The following FGF13 variants were observed in gnomAD, a reference collection of about 807,000 sequenced individuals.
FGF13 encodes fibroblast growth factor homologous factor 2.
In FGF13, 2 loss-of-function variants were observed where a neutral mutation model predicts 19.5. The ratio of observed to expected loss-of-function variants is 0.10; its 90% CI spans 0.04 to 0.32. FGF13 has a LOEUF of 0.32. Among genes scored for constraint, FGF13 ranks in the 10% least tolerant of loss-of-function variants. The probability of loss-of-function intolerance (pLI) is 1.00; values close to 1 mark genes in which losing one functional copy is unlikely to be tolerated. For synonymous variants in FGF13, 72 were observed against 76.9 expected (o/e 0.94, Z 0.33); for missense variants, 113 against 192.7 (o/e 0.59, Z 2.45).
chrX:138,727,103 T>C (rs2090191489), intron 1 of FGF13, among the ~76,000 whole-genome samples: 1 of 111,246 alleles, frequency 9.0e-6, no homozygotes, highest in East Asian at 2.8e-4. Context: ...TGGAAAGTGA[T>C]GCTCAGAAAG....
rs1050309690 is a variant in FGF13 at position 138,620,446 on chromosome X, T to A, written c.*12404A>T. The A allele has an allele frequency of 4.5e-5, 5 of 110,218 alleles. No individual in the cohort carries two copies. Among genetic ancestry groups the A allele is most frequent in the Non-Finnish European group, 9.5e-5 (5 of 52,813 alleles). The allele number at this position is 110,218 out of a possible 1,213,427, so 9.1% of individuals were successfully genotyped here. On this transcript the variant is annotated 3_prime_UTR_variant, in exon 5 of 5. Coordinates refer to ENST00000315930, the MANE Select transcript of FGF13 (RefSeq NM_004114.5). ...TGTTTACCTATGTAACAAACCTGCA[T>A]ATCCTGCACATGTACCCTGGAACTT...
intron 3 of FGF13, among the ~76,000 whole-genome samples, chrX:138,774,111 A>C (rs1292910594): frequency 8.9e-6 from 1 of 111,921 alleles, no homozygotes; most frequent in African/African-American, 3.3e-5. Flanking sequence ...TCTAGTAGAA[A>C]AAAGTAGGTA....
At position 139,000,788 on chromosome X, in the gene FGF13, A is replaced by C. The variant is rs199723438; in HGVS notation, c.-112-136138T>G. ...GGTAATTTACAGATTCAATGCCATC[A>C]CCATCAAGCTACCAATGACTTTCTT... is the stretch of plus-strand genomic sequence containing the variant. On this transcript the variant is annotated intron_variant, in intron 1 of 2. Coordinates refer to the FGF13 transcript ENST00000421460. Among the ~76,000 whole-genome samples, 15 of 111,959 alleles carry C rather than the reference A, an allele frequency of 1.3e-4. 1 individual carries two copies. In the Middle Eastern group the frequency reaches 0.014, roughly 104 times the overall value.
At chrX:138,896,291 G>A (rs1391607762) in intron 1 of FGF13, among the ~76,000 whole-genome samples, 3 of 110,989 alleles carry the variant, frequency 2.7e-5, no homozygotes, top group Non-Finnish European at 5.7e-5. Context: ...CCATAAATAT[G>A]TACCAATACT....
At chrX:138,723,341 A>G (rs1005936351) in intron 1 of FGF13, among the ~76,000 whole-genome samples, 2 of 111,921 alleles carry the variant, frequency 1.8e-5, no homozygotes, top group Non-Finnish European at 3.8e-5. Context: ...TCCTTTCCTC[A>G]GTTTTTTCCT....
At chrX:139,186,521 C>T (rs777742946) in intron 1 of FGF13, among the ~76,000 whole-genome samples, 3 of 111,505 alleles carry the variant, frequency 2.7e-5, no homozygotes, top group Non-Finnish European at 3.8e-5. Flanking sequence ...TAAAAATGTA[C>T]ATCAGATCAC....
chrX:139,109,162 A>G (rs2083582715), intron 1 of FGF13, among the ~76,000 whole-genome samples: 1 of 112,143 alleles, frequency 8.9e-6, no homozygotes, highest in Non-Finnish European at 1.9e-5. Context: ...GAATGCAAGG[A>G]AGAACCAGGA....
intron 3 of FGF13, among the ~76,000 whole-genome samples, chrX:138,666,882 A>C (rs191264996): frequency 0.019 from 2,084 of 109,978 alleles, 11 homozygotes; most frequent in Non-Finnish European, 0.029. Context: ...GTTCCCAAAA[A>C]CAAAAACAAA....
At chrX:138,896,120 T>A (rs1289096159) in intron 1 of FGF13, among the ~76,000 whole-genome samples, 3 of 112,019 alleles carry the variant, frequency 2.7e-5, no homozygotes, top group Non-Finnish European at 3.8e-5. Flanking sequence ...TAATGTAGTG[T>A]ACTTTTCACA....
intron 3 of FGF13, among the ~76,000 whole-genome samples, chrX:138,754,635 T>G: frequency 9.0e-6 from 1 of 111,602 alleles, no homozygotes; most frequent in African/African-American, 3.3e-5. Context: ...CTGGCAAAAG[T>G]TCTTTACACT....
intron 1 of FGF13, among the ~76,000 whole-genome samples, chrX:138,885,907 A>G (rs1168707095): frequency 9.0e-6 from 1 of 111,330 alleles, no homozygotes; most frequent in Admixed American, 9.6e-5. Flanking sequence ...TAACTGGAAT[A>G]TAATTCCAAT....
chrX:138,682,735 A>AC (rs1001905905), intron 3 of FGF13, among the ~76,000 whole-genome samples: 2 of 110,704 alleles, frequency 1.8e-5, no homozygotes, highest in East Asian at 2.8e-4. Context: ...AAATAATTTT[A>AC]CCCCCCCGAA....
At chrX:138,640,160 A>C (rs1323328417) in intron 3 of FGF13, among the ~76,000 whole-genome samples, 4 of 111,429 alleles carry the variant, frequency 3.6e-5, no homozygotes, top group Non-Finnish European at 7.5e-5. Context: ...AATTCTTTGG[A>C]GGTTGAAATA....
At chrX:138,800,212 C>T (rs1168649932) in intron 3 of FGF13, among the ~76,000 whole-genome samples, 2 of 111,588 alleles carry the variant, frequency 1.8e-5, no homozygotes, top group African/African-American at 6.5e-5. Context: ...TGGCTGGTAC[C>T]AGTTTTTCCT....
chrX:138,658,296 C>A (rs952037428), intron 3 of FGF13, among the ~76,000 whole-genome samples: 1 of 112,343 alleles, frequency 8.9e-6, no homozygotes, highest in Non-Finnish European at 1.9e-5. Flanking sequence ...ATACAACCAG[C>A]AATTACTAAC....
In FGF13 at chrX:139,190,709, C is replaced by A. The variant is rs1358594152; in HGVS notation, c.-113+12707G>T. Among the ~76,000 whole-genome samples the A allele has an allele frequency of 2.7e-5, 3 of 111,775 alleles. No individual in the cohort carries two copies. The East Asian group carries it at 8.4e-4, about 31-fold the overall frequency. ...ATACTTAATACCATAGAACTGGATA[C>A]CATAGAATTGACTATAAAATGGTCA... On this transcript the variant is annotated intron_variant, in intron 1 of 2. Transcript: ENST00000421460.
intron 1 of FGF13, among the ~76,000 whole-genome samples, chrX:139,092,884 CTAAGA>C (rs1232651429): frequency 1.8e-5 from 2 of 111,962 alleles, no homozygotes; most frequent in Non-Finnish European, 3.8e-5. Flanking sequence ...ACTTTCTCCA[CTAAGA>C]TAAGTTACTG....
At chrX:138,885,224 C>T (rs1187986836) in intron 1 of FGF13, among the ~76,000 whole-genome samples, 1 of 111,199 alleles carries the variant, frequency 9.0e-6, no homozygotes, top group Non-Finnish European at 1.9e-5. Context: ...AGGCTGTGGT[C>T]TCACCTGGAG....
At position 138,703,096 on chromosome X, in the gene FGF13, A is replaced by T. The variant is rs754282942; in HGVS notation, c.299-9T>A. 27 of 1,150,344 alleles carry T rather than the reference A, an allele frequency of 2.3e-5. No homozygotes were observed. Among genetic ancestry groups the T allele is most frequent in the East Asian group, 8.9e-5 (3 of 33,577 alleles). The allele number at this position is 1,150,344 out of a possible 1,213,427, so 94.8% of individuals were successfully genotyped here. A position where few individuals can be genotyped will look rare whatever the true frequency, so the allele number is the denominator to read the frequency against. ...GATGAGGTTAAACAGAGCTGAAATT[A>T]AAAAAGAAAATGAAAACAGTGTTAC... On this transcript the variant is annotated splice_polypyrimidine_tract_variant and intron_variant, in intron 2 of 4. Transcript: ENST00000315930.
Sources: allele counts gnomAD v4.1 joint callset (sites outside exome capture counted in the v4.1 genomes callset), GRCh38; gene constraint gnomAD v4.1.1; transcripts MANE v1.5; gene names NCBI Gene and HGNC (gene_info 2026-07-23, HGNC 2026-07-21).